Variants in STAG3 observed in about 807,000 individuals in gnomAD.
STAG3 encodes the protein cohesin subunit SA-3.
STAG3 carries 101 observed loss-of-function variants against 160.7 expected under a neutral mutation model. The ratio of observed to expected loss-of-function variants is 0.63; its 90% CI spans 0.54 to 0.74. The LOEUF (loss-of-function observed/expected upper bound fraction) is 0.74. STAG3 is among the 30% of genes least tolerant of loss of function. STAG3 has a pLI of 0.00. For missense variants in STAG3, 1,188 were observed against 1,517.4 expected, an observed-to-expected ratio of 0.78 and a Z score of 3.61; for synonymous variants, 519 against 585.0, an observed-to-expected ratio of 0.89 and a Z score of 1.63.
intron 8 of STAG3, among the ~76,000 whole-genome samples, chr7:100,191,125 C>T (rs560791678): frequency 3.3e-5 from 5 of 152,032 alleles, no homozygotes; most frequent in Admixed American, 6.6e-5. Flanking sequence ...ATGGACGTTG[C>T]GGGGCTGTCC....
At chr7:100,182,894 G>A in intron 4 of STAG3, 55 bp downstream of exon 4, 4 of 1,595,982 alleles carry the variant, frequency 2.5e-6, no homozygotes, top group Non-Finnish European at 2.6e-6. Context: ...AAGGTGGTAA[G>A]GACAAGTGTC....
At chr7:100,181,549 C>T (rs1307704767) in intron 2 of STAG3, 1 of 152,296 alleles carries the variant, frequency 6.6e-6, no homozygotes, top group Non-Finnish European at 1.5e-5. Flanking sequence ...AAGTGAGTAT[C>T]ATTTGATTCT....
At chr7:100,199,714 C>A in intron 16 of STAG3, 70 bp downstream of exon 16, 1 of 1,255,704 alleles carries the variant, frequency 8.0e-7, no homozygotes, top group East Asian at 2.4e-5. Flanking sequence ...ATCCTTATCC[C>A]CCAGGCTGGG....
chr7:100,213,847 T>C, intron 33 of STAG3, 41 bp downstream of exon 33: 1 of 1,614,120 alleles, frequency 6.2e-7, no homozygotes, highest in Admixed American at 1.7e-5. Context: ...CCTTCGGAAA[T>C]GCTGGCAGGC....
intron 33 of STAG3, 38 bp downstream of exon 33, chr7:100,213,844 A>C (rs747869644): frequency 6.2e-6 from 10 of 1,614,140 alleles, no homozygotes; most frequent in Non-Finnish European, 8.5e-6. Flanking sequence ...TATCCTTCGG[A>C]AATGCTGGCA....
At chr7:100,211,977 T>C (rs1280663676) in intron 32 of STAG3, 101 bp downstream of exon 32, 3 of 1,075,126 alleles carry the variant, frequency 2.8e-6, no homozygotes, top group Non-Finnish European at 4.0e-6. Flanking sequence ...ATGCCTGGTC[T>C]GGAAAAGCTG....
At chr7:100,213,072 T>G in intron 32 of STAG3, 1 of 155,550 alleles carries the variant, frequency 6.4e-6, no homozygotes, top group Non-Finnish European at 1.4e-5. Context: ...AGTCCAAGGG[T>G]TGGGTTCTGG....
At chr7:100,215,458 G>C (rs1019955280), downstream of STAG3, among the ~76,000 whole-genome samples, 8 of 152,248 alleles carry the variant, frequency 5.3e-5, no homozygotes, top group East Asian at 5.8e-4. Context: ...CTAACTCATT[G>C]AGCGATCTTT....
At chr7:100,204,894 C>A in intron 27 of STAG3, 111 bp from the exon 28 acceptor site, 1 of 1,574,482 alleles carries the variant, frequency 6.4e-7, no homozygotes, top group Non-Finnish European at 8.6e-7. Flanking sequence ...GGTGGGTATG[C>A]CTTTGGAGAC....
chr7:100,180,222 G>T (rs1187369984), intron 1 of STAG3, among the ~76,000 whole-genome samples: 3 of 151,798 alleles, frequency 2.0e-5, no homozygotes, highest in East Asian at 1.9e-4. Context: ...CCTGACTAAT[G>T]ATTATTATTA....
chr7:100,191,805 A>G lies in STAG3; in HGVS notation c.867+2209A>G, dbSNP rs189896524. 2.1e-3 allele frequency among the ~76,000 whole-genome samples: 323 copies of G among 152,352 alleles called. 1 individual carries two copies. Among genetic ancestry groups the G allele is most frequent in the Admixed American group, 3.6e-3 (55 of 15,308 alleles). ...ACAAAAAATTTCTCTGTAACATGAA[A>G]TGCTGTTTGATGACATTTTACCCAC... On this transcript the variant is annotated intron_variant, in intron 8 of 33. Transcript: ENST00000615138.
chr7:100,189,440 C>T lies in STAG3; in HGVS notation c.716-5C>T. 6.2e-7 allele frequency: 1 copy of T among 1,607,222 alleles called. No homozygotes were observed. Among genetic ancestry groups the T allele is most frequent in the Admixed American group, 1.7e-5 (1 of 57,652 alleles). On this transcript the variant is annotated splice_polypyrimidine_tract_variant and splice_region_variant and intron_variant, in intron 7 of 33. Transcript: ENST00000615138. The stretch of plus-strand genomic sequence containing the variant: ...ATTTCTTTATCTCTTTTTCCTTTCT[C>T]AAAGCTATGAAACTGATGACCTCCC...
At position 100,209,285 on chromosome 7, in the gene STAG3, G is replaced by A. The variant is rs772048320; in HGVS notation, c.3239-1726G>A. On this transcript the variant is annotated intron_variant, in intron 29 of 33. Transcript: ENST00000615138. ...CATTTCAGCCTATTGGCCTCCCAGC[G>A]AATTTTTTATAACAGGTGAGGGAGG... Among the ~76,000 whole-genome samples the A allele has an allele frequency of 3.9e-5, 6 of 152,156 alleles. No individual in the cohort carries two copies. The highest frequency in any genetic ancestry group is 8.8e-5 in the Non-Finnish European group (6 of 68,044).
intron 8 of STAG3, among the ~76,000 whole-genome samples, chr7:100,191,475 A>T (rs1358717348): frequency 6.6e-6 from 1 of 152,236 alleles, no homozygotes; most frequent in African/African-American, 2.4e-5. Flanking sequence ...ACAATCAAAA[A>T]ATCAAAATTT....
Position 100,197,885 on chromosome 7 carries a change from G to T in STAG3, c.1164+9G>T. On this transcript the variant is annotated intron_variant, in intron 11 of 33. Coordinates refer to ENST00000615138, the MANE Select transcript of STAG3 (RefSeq NM_001282717.2). ...TCACCAGCCGCTTCAAGGTAAAATG[G>T]GTGGTGCTCCATGGCTTGGCTCTTT... 6.2e-7 allele frequency: 1 copy of T among 1,612,158 alleles called. No individual in the cohort carries two copies. Among genetic ancestry groups the T allele is most frequent in the South Asian group, 1.1e-5 (1 of 91,032 alleles).
At chr7:100,182,052 G>C (rs766637930) in intron 2 of STAG3, 38 bp from the exon 3 acceptor site, 3 of 1,495,384 alleles carry the variant, frequency 2.0e-6, no homozygotes, top group Middle Eastern at 1.7e-4. Flanking sequence ...GGAGGGAATA[G>C]GGTGGTTATA....
intron 3 of STAG3, 149 bp from the exon 4 acceptor site, chr7:100,182,574 C>A: frequency 3.7e-6 from 3 of 819,408 alleles, no homozygotes; most frequent in South Asian, 3.4e-5. Flanking sequence ...ATATAAAAAT[C>A]AATTATTTCA....
At chr7:100,178,314 T>C (rs556227511) in intron 1 of STAG3, among the ~76,000 whole-genome samples, 4 of 152,296 alleles carry the variant, frequency 2.6e-5, no homozygotes, top group African/African-American at 9.6e-5. Context: ...TTTCCTCCTT[T>C]TGCGTTTCCA....
intron 5 of STAG3, among the ~76,000 whole-genome samples, chr7:100,187,500 C>T (rs1257166435): frequency 2.0e-5 from 3 of 151,950 alleles, no homozygotes; most frequent in African/African-American, 7.3e-5. Flanking sequence ...TACTCTGAAG[C>T]CTTTGTACAG....
Sources: gnomAD v4.1 joint callset for allele counts (sites outside exome capture counted in the v4.1 genomes callset) on GRCh38, gnomAD v4.1.1 for gene constraint, MANE v1.5 for transcripts, NCBI Gene and HGNC (gene_info 2026-07-23, HGNC 2026-07-21) for gene names.